The following YEATS2 variants were observed in gnomAD, a reference collection of about 807,000 sequenced individuals.
YEATS2 encodes the protein YEATS domain containing 2, also known as YEATS domain-containing protein 2.
Under a neutral mutation model 163.2 loss-of-function variants are expected in YEATS2, and 77 were observed. The observed-to-expected ratio is 0.47, with a 90% confidence interval of 0.39 to 0.57. The LOEUF is 0.57. Ranked by LOEUF, YEATS2 falls within the 20% of genes least tolerant of loss-of-function variation. The pLI is 0.00. For synonymous variants in YEATS2, 631 were observed against 645.1 expected (o/e 0.98, Z 0.33); for missense variants, 1,549 against 1,729.8 (o/e 0.90, Z 1.85).
chr3:183,753,464 G>A (rs1263114463), intron 10 of YEATS2, among the ~76,000 whole-genome samples: 2 of 151,920 alleles, frequency 1.3e-5, no homozygotes, highest in African/African-American at 2.4e-5. Context: ...GATACAAGAG[G>A]GGCCGGGCAC....
intron 27 of YEATS2, among the ~76,000 whole-genome samples, chr3:183,805,710 G>C (rs1179242368): frequency 1.3e-5 from 2 of 151,918 alleles, no homozygotes; most frequent in Non-Finnish European, 2.9e-5. Context: ...GATTGCTTGA[G>C]CCCAAGAAGT....
At chr3:183,757,794 A>C (rs533904628) in intron 12 of YEATS2, among the ~76,000 whole-genome samples, 1 of 149,176 alleles carries the variant, frequency 6.7e-6, no homozygotes, top group Admixed American at 6.7e-5. Flanking sequence ...TGGAAAGGCT[A>C]AATTTTAATA....
chr3:183,771,155 T>C (rs1401103646), intron 15 of YEATS2, among the ~76,000 whole-genome samples: 3 of 152,210 alleles, frequency 2.0e-5, no homozygotes. Context: ...TGAGCACAAA[T>C]TCCTATTTTC....
At chr3:183,774,597 G>A (rs1722788069) in intron 17 of YEATS2, among the ~76,000 whole-genome samples, 1 of 152,180 alleles carries the variant, frequency 6.6e-6, no homozygotes, top group Non-Finnish European at 1.5e-5. Flanking sequence ...CCATGGAAAT[G>A]AGGCAGTTTA....
chr3:183,736,571 C>A (rs1718364299), intron 7 of YEATS2, 147 bp from the exon 8 acceptor site: 4 of 581,294 alleles, frequency 6.9e-6, no homozygotes, highest in Non-Finnish European at 1.1e-5. Flanking sequence ...TAGCAAAATT[C>A]GGCATGTTGA....
At chr3:183,777,231 G>T (rs1401280946) in intron 18 of YEATS2, among the ~76,000 whole-genome samples, 1 of 152,212 alleles carries the variant, frequency 6.6e-6, no homozygotes, top group African/African-American at 2.4e-5. Flanking sequence ...TTTGGTTCCA[G>T]ATGTTCTTAT....
At chr3:183,762,316 A>G (rs1342730827) in intron 15 of YEATS2, 37 bp downstream of exon 15, 2 of 1,508,472 alleles carry the variant, frequency 1.3e-6, no homozygotes, top group African/African-American at 2.9e-5. Context: ...TTCACATGTA[A>G]ATGATGTTGT....
At chr3:183,774,849 C>G in intron 17 of YEATS2, among the ~76,000 whole-genome samples, 1 of 152,098 alleles carries the variant, frequency 6.6e-6, no homozygotes, top group East Asian at 1.9e-4. Context: ...CATACCTAAG[C>G]AGTGGTATGT....
At chr3:183,793,263 T>C in intron 21 of YEATS2, 3 of 1,178,908 alleles carry the variant, frequency 2.5e-6, no homozygotes, top group Non-Finnish European at 1.1e-6. Context: ...ATTACTATTA[T>C]TACTTCATTC....
At chr3:183,714,999 G>A (rs1715686928) in intron 1 of YEATS2, 145 bp from the exon 2 acceptor site, 2 of 525,172 alleles carry the variant, frequency 3.8e-6, no homozygotes, top group Non-Finnish European at 6.8e-6. Flanking sequence ...CATACCCACA[G>A]ACTTGCAAGT....
intron 6 of YEATS2, among the ~76,000 whole-genome samples, chr3:183,727,580 C>G (rs943680782): frequency 2.0e-5 from 3 of 152,098 alleles, no homozygotes; most frequent in African/African-American, 7.2e-5. Context: ...GCAACTTGGC[C>G]CCCCCATATC....
intron 1 of YEATS2, among the ~76,000 whole-genome samples, chr3:183,702,579 A>G (rs141183289): frequency 1.0e-3 from 156 of 151,294 alleles, no homozygotes; most frequent in African/African-American, 3.6e-3. Flanking sequence ...GCTCACGCCT[A>G]TAATCTCAGC....
intron 15 of YEATS2, 112 bp downstream of exon 15, chr3:183,762,391 C>T: frequency 7.5e-7 from 1 of 1,333,332 alleles, no homozygotes. Context: ...CCCATAAGAA[C>T]CTGTGGGTGA....
intron 5 of YEATS2, among the ~76,000 whole-genome samples, chr3:183,722,676 G>A (rs954304185): frequency 6.8e-6 from 1 of 147,704 alleles, no homozygotes; most frequent in South Asian, 2.1e-4. Flanking sequence ...TTTCTGAGAC[G>A]GAGTCTCGCT....
At position 183,762,210 on chromosome 3, in the gene YEATS2, G is replaced by T; in HGVS notation, c.1878G>T (p.Val626=). The T allele has an allele frequency of 6.2e-7, 1 of 1,614,076 alleles. No individual in the cohort carries two copies. The highest frequency in any genetic ancestry group is 8.5e-7 in the Non-Finnish European group (1 of 1,180,002). The change falls in exon 15 of 31, where the codon GTG becomes GTT. Residue 626 remains valine (V), a synonymous_variant. Coordinates refer to ENST00000305135, the MANE Select transcript of YEATS2 (RefSeq NM_018023.5). The part of the protein sequence containing the change: ...VTVKGGHMIA[V]SPQKQVITPG... ...TGAAAGGGGGTCACATGATAGCTGT[G>T]TCCCCTCAAAAACAGGTCATAACTC...
At chr3:183,763,005 C>T (rs35984851) in intron 15 of YEATS2, among the ~76,000 whole-genome samples, 2,604 of 151,522 alleles carry the variant, frequency 0.017, 35 homozygotes, top group Non-Finnish European at 0.028. Flanking sequence ...GAGCTGAGAT[C>T]GCGGCACTGC....
At chr3:183,758,080 A>G (rs1170170756) in intron 12 of YEATS2, among the ~76,000 whole-genome samples, 1 of 152,182 alleles carries the variant, frequency 6.6e-6, no homozygotes, top group East Asian at 1.9e-4. Context: ...AATGTTGGCC[A>G]GGCGTGGTGG....
At position 183,732,135 on chromosome 3, in the gene YEATS2, T is replaced by G. The variant is rs1201738001; in HGVS notation, c.812+3284T>G. Among the ~76,000 whole-genome samples the G allele has an allele frequency of 2.0e-5, 3 of 152,144 alleles. 1 individual carries two copies. Among genetic ancestry groups the G allele is most frequent in the Non-Finnish European group, 4.4e-5 (3 of 68,042 alleles). ...ACCAGATTTAGAACTTCTCGATGTTTAGGACCTTATCTTGTCTTAATATCC... is the reference window on the plus strand; with the variant it reads ...ACCAGATTTAGAACTTCTCGATGTTGAGGACCTTATCTTGTCTTAATATCC... On this transcript the variant is annotated intron_variant, in intron 7 of 30. Coordinates refer to ENST00000305135, the MANE Select transcript of YEATS2 (RefSeq NM_018023.5).
intron 17 of YEATS2, among the ~76,000 whole-genome samples, chr3:183,774,914 G>A (rs1010471893): frequency 1.3e-5 from 2 of 152,148 alleles, no homozygotes; most frequent in South Asian, 2.1e-4. Flanking sequence ...AAGTCATCCA[G>A]GGAGCTACTT....
Sources: gnomAD v4.1 joint callset for allele counts (sites outside exome capture counted in the v4.1 genomes callset) on GRCh38, gnomAD v4.1.1 for gene constraint, MANE v1.5 for transcripts, NCBI Gene and HGNC (gene_info 2026-07-23, HGNC 2026-07-21) for gene names.